Variants in FAM13B observed in about 807,000 individuals in gnomAD.
FAM13B encodes the protein family with sequence similarity 13 member B.
Under a neutral mutation model 117.3 loss-of-function variants are expected in FAM13B, and 60 were observed. That is an observed-to-expected ratio of 0.51 (90% CI 0.42 to 0.63). FAM13B has a LOEUF of 0.63. FAM13B is among the 30% of genes least tolerant of loss of function. The pLI, the probability that FAM13B is intolerant of heterozygous loss-of-function variation, is 0.00. For synonymous variants in FAM13B, 332 were observed against 356.1 expected (o/e 0.93, Z 0.76); for missense variants, 972 against 1,091.9 (o/e 0.89, Z 1.55).
At position 137,956,527 on chromosome 5, in the gene FAM13B, G is replaced by C. The variant is rs763970975; in HGVS notation, c.1457C>G (p.Thr486Ser). 2 of 1,598,396 alleles carry C rather than the reference G, an allele frequency of 1.3e-6. No individual in the cohort carries two copies. Among genetic ancestry groups the C allele is most frequent in the South Asian group, 1.1e-5 (1 of 87,728 alleles). ...TGTTTTGAAATCAATGAGGGGAAAA[G>C]TGATAGGGCATGACGCTAATAAAAT... ...GDKWEASCPI[T>S]FPLIDFKTMH... The change falls in exon 14 of 24, where the codon ACT (threonine) becomes AGT (serine). Residue 486 changes from threonine (T) to serine (S), a missense_variant. Physicochemically the swap from Thr to Ser is moderately conservative, Grantham distance 58. Transcript: ENST00000689681.
In FAM13B at chr5:137,976,011, T is replaced by C. The variant is rs547865661; in HGVS notation, c.1179+9246A>G. ...TTTTTTTTTTGAGACAGTCTTGCTC[T>C]GTTGCCCAGGCTGGAGTGCAGTGGC... On this transcript the variant is annotated intron_variant, in intron 10 of 23. Coordinates refer to ENST00000689681, the MANE Select transcript of FAM13B (RefSeq NM_001385994.1). 4.2e-4 allele frequency among the ~76,000 whole-genome samples: 56 copies of C among 133,152 alleles called. 1 individual carries two copies. Among genetic ancestry groups the C allele is most frequent in the African/African-American group, 1.6e-3 (55 of 34,380 alleles). 87.4% of individuals were successfully genotyped at this position (133,152 alleles called of 152,430 possible).
chr5:137,999,193 A>G (rs560498248), intron 7 of FAM13B, among the ~76,000 whole-genome samples: 1 of 147,826 alleles, frequency 6.8e-6, no homozygotes, highest in African/African-American at 2.5e-5. Flanking sequence ...GGCTCACTGT[A>G]GCCTGGACCT....
chr5:137,941,548 G>C (rs1001902898), intron 23 of FAM13B, among the ~76,000 whole-genome samples: 1 of 152,122 alleles, frequency 6.6e-6, no homozygotes, highest in Non-Finnish European at 1.5e-5. Flanking sequence ...TCAACACACA[G>C]TATGAACACA....
intron 1 of FAM13B, 106 bp from the exon 2 acceptor site, chr5:138,021,303 A>G (rs945039457): frequency 6.8e-6 from 6 of 877,436 alleles, no homozygotes; most frequent in Admixed American, 8.6e-5. Flanking sequence ...CCTATATTGA[A>G]AGGTATTCTT....
intron 7 of FAM13B, among the ~76,000 whole-genome samples, chr5:137,989,448 G>A (rs1482887095): frequency 6.6e-6 from 1 of 152,152 alleles, no homozygotes; most frequent in Non-Finnish European, 1.5e-5. Flanking sequence ...TATCATGCTA[G>A]TTTCCAATGA....
intron 7 of FAM13B, among the ~76,000 whole-genome samples, chr5:138,001,549 G>T (rs1044322285): frequency 7.4e-4 from 112 of 152,254 alleles, no homozygotes; most frequent in African/African-American, 2.6e-3. Flanking sequence ...ATACTTTACT[G>T]AGTGCCTATT....
rs5871662 is a variant in FAM13B, at chr5:138,041,063, CAAAAAA to C, written c.-203+10809_-203+10814del. 8.5e-5 allele frequency among the ~76,000 whole-genome samples: 6 copies of C among 70,458 alleles called. No homozygotes were observed. The South Asian group carries it at 1.1e-3, about 13-fold the overall frequency. 46.2% of individuals were successfully genotyped at this position (70,458 alleles called of 152,430 possible). ...TAGGCAACAGAGCAAGACTCCATCT[CAAAAAA>C]AAAAAAAAAAAAGAAAAGAAAAGAC... On this transcript the variant is annotated intron_variant, in intron 1 of 3. Transcript: ENST00000502471.
intron 7 of FAM13B, among the ~76,000 whole-genome samples, chr5:138,003,309 C>CATAA (rs535554301): frequency 3.3e-5 from 5 of 151,904 alleles, no homozygotes; most frequent in Non-Finnish European, 7.4e-5. Context: ...TTAACATTTT[C>CATAA]ATAAATAAAT....
chr5:137,959,820 T>G, intron 12 of FAM13B, 57 bp from the exon 13 acceptor site: 1 of 1,542,024 alleles, frequency 6.5e-7, no homozygotes, highest in Non-Finnish European at 8.9e-7. Context: ...CACACCCAGC[T>G]TAAACACATC....
intron 10 of FAM13B, among the ~76,000 whole-genome samples, chr5:137,978,390 C>T (rs1774651369): frequency 2.0e-5 from 3 of 152,020 alleles, no homozygotes; most frequent in Non-Finnish European, 4.4e-5. Flanking sequence ...AAGTTTACAG[C>T]AATTTATACT....
intron 7 of FAM13B, among the ~76,000 whole-genome samples, chr5:138,005,670 G>A (rs1162245202): frequency 1.3e-5 from 2 of 151,876 alleles, no homozygotes; most frequent in East Asian, 3.9e-4. Flanking sequence ...ATGTTAAATC[G>A]GGCAACAGAG....
intron 1 of FAM13B, among the ~76,000 whole-genome samples, chr5:138,044,364 C>T (rs1791583665): frequency 6.6e-6 from 1 of 151,996 alleles, no homozygotes; most frequent in Non-Finnish European, 1.5e-5. Flanking sequence ...CCAGCCTGAC[C>T]AATGTGGTGA....
intron 1 of FAM13B, among the ~76,000 whole-genome samples, chr5:138,022,468 A>G (rs1787022749): frequency 6.6e-6 from 1 of 152,234 alleles, no homozygotes; most frequent in Non-Finnish European, 1.5e-5. Context: ...AAGAAGTGTT[A>G]TTAGTAACAT....
At chr5:137,964,302 G>T (rs374725189) in intron 10 of FAM13B, among the ~76,000 whole-genome samples, 5 of 151,828 alleles carry the variant, frequency 3.3e-5, no homozygotes, top group African/African-American at 1.2e-4. Flanking sequence ...AGTAGAGATG[G>T]GTTTCGGCAT....
chr5:137,979,841 T>G (rs555342670), intron 10 of FAM13B, among the ~76,000 whole-genome samples: 42 of 152,216 alleles, frequency 2.8e-4, no homozygotes, highest in African/African-American at 8.7e-4. Flanking sequence ...AGTATGTGCA[T>G]GTACAACCTA....
intron 10 of FAM13B, among the ~76,000 whole-genome samples, chr5:137,979,495 A>G (rs1010110378): frequency 6.6e-6 from 1 of 152,274 alleles, no homozygotes; most frequent in South Asian, 2.1e-4. Context: ...TTCTACTGAG[A>G]AAATCTACAA....
intron 1 of FAM13B, among the ~76,000 whole-genome samples, chr5:138,043,010 C>T (rs1259636959): frequency 6.6e-6 from 1 of 151,932 alleles, no homozygotes; most frequent in African/African-American, 2.4e-5. Flanking sequence ...AAGAATCACT[C>T]GAACCCAGGA....
Position 137,961,597 on chromosome 5 carries a change from C to A in FAM13B, c.1244+808G>T, listed in dbSNP as rs558507303. 2.0e-5 allele frequency among the ~76,000 whole-genome samples: 3 copies of A among 152,314 alleles called. No individual in the cohort carries two copies. The South Asian group carries it at 6.2e-4, about 32-fold the overall frequency. On this transcript the variant is annotated intron_variant, in intron 11 of 23. Transcript: ENST00000689681. The stretch of plus-strand genomic sequence containing the variant: ...AAAGAATTTGCTTACCCTTAAAGAA[C>A]AGGCTTCCTACTTATAATTAAAAGA...
At chr5:138,046,060 C>T (rs763243592) in intron 1 of FAM13B, among the ~76,000 whole-genome samples, 64 of 152,216 alleles carry the variant, frequency 4.2e-4, no homozygotes, top group Admixed American at 1.9e-3. Flanking sequence ...AATTGAATCA[C>T]GGGGGCAAGT....
Sources: gnomAD v4.1 joint callset for allele counts (sites outside exome capture counted in the v4.1 genomes callset) on GRCh38, gnomAD v4.1.1 for gene constraint, MANE v1.5 for transcripts, NCBI Gene and HGNC (gene_info 2026-07-23, HGNC 2026-07-21) for gene names.